Variants in GRID2 observed in about 807,000 individuals in gnomAD.
GRID2 encodes glutamate receptor ionotropic, delta-2.
Under a neutral mutation model 114.8 loss-of-function variants are expected in GRID2, and 33 were observed. The observed-to-expected ratio is 0.29, with a 90% confidence interval of 0.22 to 0.38. The LOEUF (loss-of-function observed/expected upper bound fraction) is 0.38. GRID2 is among the 10% of genes least tolerant of loss of function. The pLI is 1.00. For missense variants in GRID2, 1,184 were observed against 1,257.7 expected, an observed-to-expected ratio of 0.94 and a Z score of 0.89; for synonymous variants, 505 against 449.9, an observed-to-expected ratio of 1.12 and a Z score of -1.55.
intron 7 of GRID2, among the ~76,000 whole-genome samples, chr4:93,228,438 T>A (rs1016027466): frequency 2.6e-5 from 4 of 152,188 alleles, no homozygotes; most frequent in Non-Finnish European, 5.9e-5. Flanking sequence ...TACTTCTCAA[T>A]ACCATTACAA....
chr4:93,601,431 T>C lies in GRID2; in HGVS notation c.2194-24838T>C, dbSNP rs148236955. On this transcript the variant is annotated intron_variant, in intron 13 of 15. Transcript: ENST00000282020. ...CTTCTATTCTTTAGGATTATTTCCT[T>C]TTCCTGGGGTTTACTCTTTTAATAA... Among the ~76,000 whole-genome samples, 25 of 152,340 alleles carry C rather than the reference T, an allele frequency of 1.6e-4. No individual in the cohort carries two copies. The East Asian group carries it at 4.8e-3, about 29-fold the overall frequency.
intron 2 of GRID2, among the ~76,000 whole-genome samples, chr4:92,837,591 T>C (rs375832495): frequency 9.2e-5 from 14 of 152,004 alleles, no homozygotes; most frequent in Admixed American, 3.9e-4. Flanking sequence ...ATGAAAAATA[T>C]GAAATTCCAA....
intron 10 of GRID2, among the ~76,000 whole-genome samples, chr4:93,437,533 A>C (rs929059053): frequency 3.3e-5 from 5 of 152,156 alleles, no homozygotes; most frequent in African/African-American, 1.2e-4. Flanking sequence ...TATGAGTAGA[A>C]GACAAAACAT....
At chr4:92,901,173 A>G (rs551313927) in intron 2 of GRID2, among the ~76,000 whole-genome samples, 25 of 152,258 alleles carry the variant, frequency 1.6e-4, no homozygotes, top group African/African-American at 6.0e-4. Flanking sequence ...TAGATGTTGT[A>G]TTAATTTACA....
chr4:92,828,095 C>A (rs1025244323), intron 2 of GRID2, among the ~76,000 whole-genome samples: 6 of 151,904 alleles, frequency 3.9e-5, no homozygotes, highest in African/African-American at 1.5e-4. Context: ...AACTGTATTC[C>A]CCTACAACTC....
At chr4:93,114,049 A>T (rs1346381138) in intron 4 of GRID2, among the ~76,000 whole-genome samples, 1 of 152,164 alleles carries the variant, frequency 6.6e-6, no homozygotes, top group Non-Finnish European at 1.5e-5. Context: ...AGAACCAGGG[A>T]TATCTGTTTC....
In GRID2 at chr4:93,244,600, TATTA is replaced by T. The variant is rs1279721827; in HGVS notation, c.1245+6117_1245+6120del. Reference sequence around the variant, plus strand: ...TTAATAGATTATATAATCTATTATATATTAATTAATAGATTATATAATCTATTAT... The same window carrying T: ...TTAATAGATTATATAATCTATTATATATTAATAGATTATATAATCTATTAT... On this transcript the variant is annotated intron_variant, in intron 8 of 15. Transcript: ENST00000282020. 9.3e-5 allele frequency among the ~76,000 whole-genome samples: 4 copies of T among 43,232 alleles called. 1 individual carries two copies. The highest frequency in any genetic ancestry group is 2.4e-4 in the African/African-American group (2 of 8,390). 28.4% of individuals were successfully genotyped at this position (43,232 alleles called of 152,430 possible).
chr4:92,817,609 T>C lies in GRID2; in HGVS notation c.244+227323T>C, dbSNP rs182354413. ...TTATTTTTTCAAATCTTATATTTTA[T>C]CTGGAATGCCATTATAATAATGTTT... On this transcript the variant is annotated intron_variant, in intron 2 of 15. Coordinates refer to ENST00000282020, the MANE Select transcript of GRID2 (RefSeq NM_001510.4). Among the ~76,000 whole-genome samples, 32 of 152,290 alleles carry C rather than the reference T, an allele frequency of 2.1e-4. No homozygotes were observed. In the East Asian group the frequency reaches 5.8e-3, roughly 28 times the overall value.
At position 93,216,916 on chromosome 4, in the gene GRID2, A is replaced by C. The variant is rs1449363937; in HGVS notation, c.963+5A>C. The C allele has an allele frequency of 2.5e-6, 4 of 1,595,636 alleles. No individual in the cohort carries two copies. The highest frequency in any genetic ancestry group is 3.4e-6 in the Non-Finnish European group (4 of 1,163,902). Reference sequence around the variant, plus strand: ...CCATTTGCTCAGAATATGGAGGTATATTATAAATGACAGGATATTTCTTCC... The same window carrying C: ...CCATTTGCTCAGAATATGGAGGTATCTTATAAATGACAGGATATTTCTTCC... On this transcript the variant is annotated splice_donor_5th_base_variant and intron_variant, in intron 6 of 15. Transcript: ENST00000282020.
chr4:93,323,656 AT>A (rs1406723458), intron 8 of GRID2, among the ~76,000 whole-genome samples: 1 of 152,038 alleles, frequency 6.6e-6, no homozygotes, highest in African/African-American at 2.4e-5. Context: ...CATTTTCATG[AT>A]ATTGATTCTT....
chr4:93,079,692 A>G (rs947423532), intron 2 of GRID2, among the ~76,000 whole-genome samples: 1 of 152,052 alleles, frequency 6.6e-6, no homozygotes, highest in African/African-American at 2.4e-5. Flanking sequence ...CACGGTTGTT[A>G]TGAGATATAA....
chr4:93,551,779 C>A (rs1001567370), intron 13 of GRID2, among the ~76,000 whole-genome samples: 18 of 152,170 alleles, frequency 1.2e-4, no homozygotes, highest in African/African-American at 4.1e-4. Context: ...TTGCACCAAC[C>A]TAAACTTTAC....
chr4:92,516,626 T>C (rs938812995), intron 1 of GRID2, among the ~76,000 whole-genome samples: 1 of 151,896 alleles, frequency 6.6e-6, no homozygotes, highest in Non-Finnish European at 1.5e-5. Flanking sequence ...TCCTTAATGC[T>C]GTGACACGTC....
intron 8 of GRID2, among the ~76,000 whole-genome samples, chr4:93,287,910 A>G (rs1753348995): frequency 6.6e-6 from 1 of 152,238 alleles, no homozygotes. Flanking sequence ...ATGCGTTTTG[A>G]GTAAACAGTT....
intron 2 of GRID2, among the ~76,000 whole-genome samples, chr4:92,868,851 G>T (rs551130791): frequency 1.3e-5 from 2 of 152,016 alleles, no homozygotes; most frequent in East Asian, 3.9e-4. Context: ...GAGTAATATT[G>T]CCAGAATATG....
At chr4:93,589,280 C>T (rs1383157210) in intron 13 of GRID2, among the ~76,000 whole-genome samples, 6 of 149,414 alleles carry the variant, frequency 4.0e-5, no homozygotes, top group Admixed American at 2.0e-4. Flanking sequence ...CAATTCCCAC[C>T]TATGAGTGAG....
At chr4:92,444,130 C>T (rs527245825) in intron 1 of GRID2, among the ~76,000 whole-genome samples, 132 of 152,272 alleles carry the variant, frequency 8.7e-4, no homozygotes, top group Non-Finnish European at 1.4e-3. Flanking sequence ...ATCTTTCTCA[C>T]GGAGCAAAGA....
At chr4:92,662,657 A>G (rs967766803) in intron 2 of GRID2, among the ~76,000 whole-genome samples, 3 of 151,240 alleles carry the variant, frequency 2.0e-5, no homozygotes, top group Non-Finnish European at 4.5e-5. Context: ...TGCTGCAGGC[A>G]GCATGGCATG....
At chr4:92,763,111 A>G (rs1203635833) in intron 2 of GRID2, among the ~76,000 whole-genome samples, 1 of 152,212 alleles carries the variant, frequency 6.6e-6, no homozygotes, top group East Asian at 1.9e-4. Context: ...TAGGTAGGCT[A>G]CAGGGAAACA....
Sources: gnomAD v4.1 joint callset for allele counts (sites outside exome capture counted in the v4.1 genomes callset) on GRCh38, gnomAD v4.1.1 for gene constraint, MANE v1.5 for transcripts, NCBI Gene and HGNC (gene_info 2026-07-23, HGNC 2026-07-21) for gene names.